The following TBC1D12 variants were observed in gnomAD, a reference collection of about 807,000 sequenced individuals.
TBC1D12 encodes the protein TBC1 domain family member 12, also known as TBC1 domain family, member 12.
A neutral mutation model predicts 86.7 loss-of-function variants in TBC1D12; 56 were observed. The observed-to-expected ratio is 0.65, with a 90% CI of 0.52 to 0.81. TBC1D12 has a LOEUF of 0.81. Among genes scored for constraint, TBC1D12 ranks in the 30% least tolerant of loss-of-function variants. The pLI, the probability that TBC1D12 is intolerant of heterozygous loss-of-function variation, is 0.00. For synonymous variants in TBC1D12, 421 were observed against 411.7 expected (o/e 1.02, Z -0.27); for missense variants, 1,023 against 1,038.8 (o/e 0.98, Z 0.21).
chr10:94,457,413 G>GTTTGT (rs1397866681), intron 2 of TBC1D12, among the ~76,000 whole-genome samples: 2 of 152,004 alleles, frequency 1.3e-5, no homozygotes, highest in Non-Finnish European at 2.9e-5. Context: ...TCATTTGTTT[G>GTTTGT]TTTGTTTTGT....
intron 9 of TBC1D12, among the ~76,000 whole-genome samples, chr10:94,521,702 A>G (rs761029781): frequency 1.3e-5 from 2 of 152,234 alleles, no homozygotes; most frequent in Non-Finnish European, 2.9e-5. Context: ...CTTTTGTAGC[A>G]GTAAAATCTG....
Position 94,536,235 on chromosome 10 carries a change from G to A in TBC1D12, c.*3139G>A, listed in dbSNP as rs1206560376. Among the ~76,000 whole-genome samples, 1 of 151,812 alleles carries A rather than the reference G, an allele frequency of 6.6e-6. No individual in the cohort carries two copies. The highest frequency in any genetic ancestry group is 2.4e-5 in the African/African-American group (1 of 41,320). On this transcript the variant is annotated 3_prime_UTR_variant, in exon 13 of 13. Coordinates refer to ENST00000225235, the MANE Select transcript of TBC1D12 (RefSeq NM_015188.2). ...TTTCCTAAAATACTCAAAATAATGT[G>A]AAATTTAATATGGTGTTTCATTTGT...
At chr10:94,474,988 A>G (rs781688760) in intron 3 of TBC1D12, among the ~76,000 whole-genome samples, 2 of 151,960 alleles carry the variant, frequency 1.3e-5, no homozygotes, top group Non-Finnish European at 2.9e-5. Flanking sequence ...GGGTCTTGCT[A>G]TGTTGCCCAG....
chr10:94,425,315 C>T (rs2055131652), intron 1 of TBC1D12, among the ~76,000 whole-genome samples: 2 of 152,136 alleles, frequency 1.3e-5, no homozygotes, highest in Non-Finnish European at 2.9e-5. Flanking sequence ...GTGTTCTATA[C>T]TTCAATTGTG....
chr10:94,425,290 A>G (rs1422258716), intron 1 of TBC1D12, among the ~76,000 whole-genome samples: 1 of 152,204 alleles, frequency 6.6e-6, no homozygotes, highest in Non-Finnish European at 1.5e-5. Flanking sequence ...GAAGTGTTCT[A>G]TACCTGAATT....
Position 94,441,976 on chromosome 10 carries a change from C to G in TBC1D12, c.1052C>G (p.Pro351Arg). The change falls in exon 2 of 13, where the codon CCT (proline) becomes CGT (arginine). Residue 351 changes from proline to arginine, a missense_variant. This residue lies in a region of TBC1D12 where 628 missense variants were observed against 531.1 expected (regional missense o/e 1.18). Coordinates refer to ENST00000225235, the MANE Select transcript of TBC1D12 (RefSeq NM_015188.2). ...GGTTGGAAATTATTTGGTAAAGTCC[C>G]TCCTAGAGAGAATCTTCAGAAAACA... is the stretch of plus-strand genomic sequence containing the variant. ...APGWKLFGKVPPRENLQKTSK... is the reference protein window; with the variant it reads ...APGWKLFGKVRPRENLQKTSK... 1 of 1,613,320 alleles carries G rather than the reference C, an allele frequency of 6.2e-7. No individual in the cohort carries two copies. Among genetic ancestry groups the G allele is most frequent in the Non-Finnish European group, 8.5e-7 (1 of 1,179,644 alleles).
At chr10:94,430,380 A>G (rs2055199287) in intron 1 of TBC1D12, among the ~76,000 whole-genome samples, 1 of 152,212 alleles carries the variant, frequency 6.6e-6, no homozygotes, top group African/African-American at 2.4e-5. Context: ...CAAATTCCAC[A>G]GTTTGAGAAA....
At position 94,420,740 on chromosome 10, in the gene TBC1D12, C is replaced by T. The variant is rs142098378; in HGVS notation, c.971+17156C>T. The stretch of plus-strand genomic sequence containing the variant: ...GTAATAGTCCATTGCTTGGATATAC[C>T]GTTTTGTTCATCCATTTATCCACTG... On this transcript the variant is annotated intron_variant, in intron 1 of 12. Coordinates refer to ENST00000225235, the MANE Select transcript of TBC1D12 (RefSeq NM_015188.2). 1.5e-3 allele frequency among the ~76,000 whole-genome samples: 234 copies of T among 152,208 alleles called. 1 individual carries two copies. Among genetic ancestry groups the T allele is most frequent in the Non-Finnish European group, 2.7e-3 (185 of 68,008 alleles).
At chr10:94,437,991 CTTTTTTTTTTTT>C (rs60477158) in intron 1 of TBC1D12, among the ~76,000 whole-genome samples, 1 of 30,034 alleles carries the variant, frequency 3.3e-5, no homozygotes, top group African/African-American at 1.6e-4. Flanking sequence ...TCTCCTGGAG[CTTTTTTTTTTTT>C]TTTTTTTTTT....
At chr10:94,458,703 AG>A (rs1175742197) in intron 2 of TBC1D12, among the ~76,000 whole-genome samples, 1 of 152,148 alleles carries the variant, frequency 6.6e-6, no homozygotes, top group Non-Finnish European at 1.5e-5. Flanking sequence ...CGCTGGCTTC[AG>A]GGGTGAAGCT....
intron 5 of TBC1D12, among the ~76,000 whole-genome samples, chr10:94,498,627 T>C (rs1408536478): frequency 6.6e-6 from 1 of 152,108 alleles, no homozygotes; most frequent in African/African-American, 2.4e-5. Context: ...CTAATTGTTT[T>C]GTATATTTAG....
In TBC1D12 at chr10:94,402,645, C is replaced by T. The variant is rs201614754; in HGVS notation, c.32C>T (p.Ser11Leu). 7 of 1,611,684 alleles carry T rather than the reference C, an allele frequency of 4.3e-6. No individual in the cohort carries two copies. The highest frequency in any genetic ancestry group is 5.9e-6 in the Non-Finnish European group (7 of 1,179,568). MVGPEDAGACSGRNPKLLPVP... is the reference protein window; with the variant it reads MVGPEDAGACLGRNPKLLPVP... ...GGTCCGGAGGATGCCGGAGCCTGCT[C>T]GGGAAGAAACCCCAAGTTGCTCCCG... The change falls in exon 1 of 13, where the codon TCG becomes TTG. Residue 11 changes from serine (S) to leucine (L), a missense_variant. This residue lies in a region of TBC1D12 where 628 missense variants were observed against 531.1 expected (regional missense o/e 1.18). Transcript: ENST00000225235.
At position 94,534,346 on chromosome 10, in the gene TBC1D12, A is replaced by C. The variant is rs1476703743; in HGVS notation, c.*1250A>C. On this transcript the variant is annotated 3_prime_UTR_variant, in exon 13 of 13. Transcript: ENST00000225235. ...TGATACTGCCCTCGTCTACCTCACT[A>C]TCCGCTAGTCTAGATAGTGACTCTT... The C allele has an allele frequency of 6.6e-6, 1 of 152,148 alleles. No individual in the cohort carries two copies. The highest frequency in any genetic ancestry group is 2.4e-5 in the African/African-American group (1 of 41,428). The allele number at this position is 152,148 out of a possible 1,614,324, so 9.4% of individuals were successfully genotyped here. A position where few individuals can be genotyped will look rare whatever the true frequency, so the allele number is the denominator to read the frequency against.
intron 1 of TBC1D12, among the ~76,000 whole-genome samples, chr10:94,422,635 C>T (rs770490163): frequency 2.6e-5 from 4 of 152,092 alleles, no homozygotes; most frequent in Admixed American, 6.5e-5. Context: ...AGTGCAGTGG[C>T]GTGACCATAG....
At chr10:94,409,576 A>G (rs1417744511) in intron 1 of TBC1D12, among the ~76,000 whole-genome samples, 1 of 151,866 alleles carries the variant, frequency 6.6e-6, no homozygotes, top group African/African-American at 2.4e-5. Context: ...GGGTTTTGCC[A>G]TGTTTCTCAG....
chr10:94,503,092 C>T (rs1589663195), intron 6 of TBC1D12, among the ~76,000 whole-genome samples: 1 of 152,284 alleles, frequency 6.6e-6, no homozygotes, highest in East Asian at 1.9e-4. Flanking sequence ...CTATCTTGAA[C>T]ATCTTCCATG....
chr10:94,535,248 C>T lies in TBC1D12; in HGVS notation c.*2152C>T, dbSNP rs1842522368. 1 of 152,152 alleles carries T rather than the reference C, an allele frequency of 6.6e-6. No homozygotes were observed. Among genetic ancestry groups the T allele is most frequent in the South Asian group, 2.1e-4 (1 of 4,828 alleles). 9.4% of individuals were successfully genotyped at this position (152,152 alleles called of 1,614,324 possible). On this transcript the variant is annotated 3_prime_UTR_variant, in exon 13 of 13. Transcript: ENST00000225235. ...GACAGAGATCTCTGATCTCTAATGA[C>T]ATATTGCTATTGTCCTATTATGTTT...
chr10:94,424,440 C>T (rs1006607790), intron 1 of TBC1D12, among the ~76,000 whole-genome samples: 1 of 152,122 alleles, frequency 6.6e-6, no homozygotes, highest in African/African-American at 2.4e-5. Flanking sequence ...CTTCCTCTCT[C>T]CTGTGTTTGT....
intron 2 of TBC1D12, among the ~76,000 whole-genome samples, chr10:94,472,591 A>G (rs1240518462): frequency 1.3e-5 from 2 of 152,230 alleles, no homozygotes; most frequent in African/African-American, 4.8e-5. Flanking sequence ...ATAAAACACC[A>G]TTTAAATTAT....
Sources: allele counts gnomAD v4.1 joint callset (sites outside exome capture counted in the v4.1 genomes callset), GRCh38; gene constraint gnomAD v4.1.1; regional missense constraint gnomAD v4.1.1; transcripts MANE v1.5; gene names NCBI Gene and HGNC (gene_info 2026-07-23, HGNC 2026-07-21).